Variants in COL24A1 observed in about 807,000 individuals in gnomAD.
The protein encoded by COL24A1 is collagen alpha-1(XXIV) chain.
A neutral mutation model predicts 253.9 loss-of-function variants in COL24A1; 224 were observed. The observed-to-expected ratio is 0.88, with a 90% CI of 0.79 to 0.99. The LOEUF (loss-of-function observed/expected upper bound fraction) is 0.99. Among genes scored for constraint, COL24A1 ranks in the 50% least tolerant of loss-of-function variants. The pLI is 0.00. For synonymous variants in COL24A1, 685 were observed against 673.7 expected, an observed-to-expected ratio of 1.02 and a Z score of -0.26; for missense variants, 2,131 against 2,068.5, an observed-to-expected ratio of 1.03 and a Z score of -0.59.
chr1:85,997,055 G>GTGTGTGTGTGTGTATATATATATATATA, intron 19 of COL24A1, among the ~76,000 whole-genome samples: 4 of 95,090 alleles, frequency 4.2e-5, no homozygotes, highest in Non-Finnish European at 9.8e-5. Flanking sequence ...GTGTGTGTGT[G>GTGTGTGTGTGTGTATATATATATATATA]TATATATATA....
intron 7 of COL24A1, among the ~76,000 whole-genome samples, chr1:86,069,974 G>C (rs1266367119): frequency 2.0e-5 from 3 of 152,118 alleles, no homozygotes; most frequent in African/African-American, 4.8e-5. Flanking sequence ...CTCACCAAAT[G>C]AACTAAATAA....
At chr1:86,059,257 A>T (rs1373051304) in intron 8 of COL24A1, 83 bp from the exon 9 acceptor site, 1 of 1,004,808 alleles carries the variant, frequency 1.0e-6, no homozygotes, top group Non-Finnish European at 1.5e-6. Context: ...GCTTGGAAAT[A>T]ATTTTTCCCC....
intron 14 of COL24A1, among the ~76,000 whole-genome samples, chr1:86,028,357 C>A (rs1698240056): frequency 6.6e-6 from 1 of 152,168 alleles, no homozygotes; most frequent in Non-Finnish European, 1.5e-5. Flanking sequence ...TCCCATAACC[C>A]CCACATGCCA....
At chr1:85,736,475 T>C (rs1247072288) in intron 58 of COL24A1, 1 of 456,140 alleles carries the variant, frequency 2.2e-6, no homozygotes, top group Non-Finnish European at 4.4e-6. Flanking sequence ...AGGACTATCA[T>C]GCTGCTCTTT....
intron 37 of COL24A1, among the ~76,000 whole-genome samples, chr1:85,862,424 TAC>T (rs3084585): frequency 0.59 from 89,477 of 151,770 alleles, 26,573 homozygotes; most frequent in South Asian, 0.75. Flanking sequence ...AAAGAAAATC[TAC>T]GTTAAAAATC....
intron 47 of COL24A1, among the ~76,000 whole-genome samples, chr1:85,797,609 G>A (rs529675479): frequency 1.3e-5 from 2 of 152,238 alleles, no homozygotes; most frequent in Admixed American, 1.3e-4. Flanking sequence ...AATTCTGATT[G>A]GATTACTTGT....
chr1:85,818,124 T>G, intron 45 of COL24A1, 37 bp from the exon 46 acceptor site: 1 of 1,539,976 alleles, frequency 6.5e-7, no homozygotes, highest in Non-Finnish European at 9.0e-7. Flanking sequence ...TTGACTGTAA[T>G]AATCTTACTT....
intron 53 of COL24A1, among the ~76,000 whole-genome samples, chr1:85,770,298 C>A (rs1386423724): frequency 8.3e-6 from 1 of 121,134 alleles, no homozygotes; most frequent in African/African-American, 3.1e-5. Flanking sequence ...TCAAGCATAC[C>A]CTAAGATGAG....
intron 32 of COL24A1, among the ~76,000 whole-genome samples, chr1:85,886,307 C>G (rs1221174451): frequency 6.6e-6 from 1 of 151,832 alleles, no homozygotes; most frequent in African/African-American, 2.4e-5. Flanking sequence ...CCTCGGCCTC[C>G]CAAAGTGCTG....
chr1:86,015,498 A>T (rs918948297), intron 19 of COL24A1, among the ~76,000 whole-genome samples: 2 of 152,214 alleles, frequency 1.3e-5, no homozygotes, highest in African/African-American at 2.4e-5. Context: ...AAGCTTTATG[A>T]GAAAGAAGAA....
chr1:86,023,797 A>C (rs764567323), intron 14 of COL24A1, among the ~76,000 whole-genome samples: 15 of 152,054 alleles, frequency 9.9e-5, no homozygotes, highest in Non-Finnish European at 1.5e-4. Context: ...TGAAAAACAA[A>C]ATGGCACTTC....
At chr1:85,984,547 T>G (rs1463437288) in intron 20 of COL24A1, among the ~76,000 whole-genome samples, 1 of 151,838 alleles carries the variant, frequency 6.6e-6, no homozygotes, top group Non-Finnish European at 1.5e-5. Context: ...AGTTATTGAA[T>G]GAATGGATAA....
rs1352074620 is a variant in COL24A1 at position 86,124,358 on chromosome 1, T to C, written c.1491+487A>G. Among the ~76,000 whole-genome samples the C allele has an allele frequency of 2.7e-5, 4 of 149,100 alleles. No individual in the cohort carries two copies. In the East Asian group the frequency reaches 5.9e-4, roughly 22 times the overall value. ...ACGATTCATTACACAATAATCTCTA[T>C]CTAAAGTAAGTTTTACACTCTATTT... is the stretch of plus-strand genomic sequence containing the variant. On this transcript the variant is annotated intron_variant, in intron 3 of 59. Coordinates refer to ENST00000370571, the MANE Select transcript of COL24A1 (RefSeq NM_152890.7).
chr1:85,735,255 G>C (rs952578720), intron 58 of COL24A1, among the ~76,000 whole-genome samples: 1 of 152,126 alleles, frequency 6.6e-6, no homozygotes, highest in African/African-American at 2.4e-5. Flanking sequence ...CACGGCAATG[G>C]GAAGAAATGT....
At chr1:86,062,570 T>A (rs576450135) in intron 8 of COL24A1, among the ~76,000 whole-genome samples, 8 of 152,128 alleles carry the variant, frequency 5.3e-5, no homozygotes, top group Non-Finnish European at 1.2e-4. Context: ...TCGTCAGTAA[T>A]GACACATGGC....
chr1:86,012,225 T>C (rs1280967590), intron 19 of COL24A1, among the ~76,000 whole-genome samples: 2 of 152,232 alleles, frequency 1.3e-5, no homozygotes, highest in Non-Finnish European at 2.9e-5. Flanking sequence ...GCAGTTTTAT[T>C]ATCAAAAACT....
chr1:86,067,168 C>G (rs574766069), intron 7 of COL24A1, among the ~76,000 whole-genome samples: 4 of 151,788 alleles, frequency 2.6e-5, no homozygotes, highest in Admixed American at 2.0e-4. Flanking sequence ...AAAAGAGTTA[C>G]TTCAGGCTTG....
In COL24A1 at chr1:86,116,939, T is replaced by C. The variant is rs112135541; in HGVS notation, c.1492-1561A>G. ...TAGCTTCCATCAAATCTTGATATTT[T>C]ACTCATTGTCAAGAAAAATTGACTT... On this transcript the variant is annotated intron_variant, in intron 3 of 59. Transcript: ENST00000370571. 2.8e-3 allele frequency among the ~76,000 whole-genome samples: 422 copies of C among 152,332 alleles called. 3 individuals carry two copies. The highest frequency in any genetic ancestry group is 9.6e-3 in the African/African-American group (401 of 41,588).
At chr1:86,030,798 T>A (rs1410010970) in intron 14 of COL24A1, among the ~76,000 whole-genome samples, 1 of 151,384 alleles carries the variant, frequency 6.6e-6, no homozygotes, top group African/African-American at 2.4e-5. Flanking sequence ...GATCTCATCA[T>A]CTTGCCCAGG....
Sources: gnomAD v4.1 joint callset for allele counts (sites outside exome capture counted in the v4.1 genomes callset) on GRCh38, gnomAD v4.1.1 for gene constraint, MANE v1.5 for transcripts, NCBI Gene and HGNC (gene_info 2026-07-23, HGNC 2026-07-21) for gene names.